Variants in PELP1 observed in about 807,000 individuals in gnomAD.
PELP1 encodes the protein proline, glutamate and leucine rich protein 1.
In PELP1, 32 loss-of-function variants were observed where a neutral mutation model predicts 95.5. The ratio of observed to expected loss-of-function variants is 0.34; its 90% confidence interval spans 0.25 to 0.45. The LOEUF (loss-of-function observed/expected upper bound fraction) is 0.45, where lower values mean the gene tolerates loss of function less well. Ranked by LOEUF, PELP1 falls within the 20% of genes least tolerant of loss-of-function variation. The pLI is 1.00. For synonymous variants in PELP1, 668 were observed against 600.1 expected, an observed-to-expected ratio of 1.11 and a Z score of -1.65; for missense variants, 1,358 against 1,444.8, an observed-to-expected ratio of 0.94 and a Z score of 0.97.
At position 4,671,967 on chromosome 17, in the gene PELP1, T is replaced by C; in HGVS notation, c.3024A>G (p.Glu1008=). The C allele has an allele frequency of 2.0e-6, 3 of 1,537,950 alleles. No individual in the cohort carries two copies. Among genetic ancestry groups the C allele is most frequent in the Non-Finnish European group, 2.6e-6 (3 of 1,147,394 alleles). ...EPEPEPGLLL[E]VEEPGTEEER... ...CCTCCTCCGTCCCTGGCTCCTCCAC[T>C]TCCAAAAGCAGCCCGGGTTCAGGTT... The change falls in exon 16 of 17, where the codon GAA becomes GAG. Residue 1008 remains glutamate (E), a synonymous_variant. Coordinates refer to ENST00000572293, the MANE Select transcript of PELP1 (RefSeq NM_014389.3).
chr17:4,703,707 G>T (rs2150569476), intron 1 of PELP1, among the ~76,000 whole-genome samples, 156 bp downstream of exon 1: 1 of 152,234 alleles, frequency 6.6e-6, no homozygotes, highest in South Asian at 2.1e-4. Flanking sequence ...GGAGAAATAC[G>T]TGCATCCCGT....
At chr17:4,685,188 G>A (rs1025142825) in intron 3 of PELP1, among the ~76,000 whole-genome samples, 1 of 151,978 alleles carries the variant, frequency 6.6e-6, no homozygotes, top group African/African-American at 2.4e-5. Flanking sequence ...TCTCACTATG[G>A]TCTTACCACC....
chr17:4,696,701 G>A (rs1481995372), intron 1 of PELP1: 1 of 152,184 alleles, frequency 6.6e-6, no homozygotes, highest in East Asian at 1.9e-4. Context: ...GACAAATGAT[G>A]ATGCAGCTTG....
chr17:4,695,199 G>A (rs112198266), intron 1 of PELP1, among the ~76,000 whole-genome samples: 19 of 151,724 alleles, frequency 1.3e-4, no homozygotes, highest in South Asian at 8.3e-4. Flanking sequence ...GCGGGCGCCC[G>A]TAATCCCAAC....
chr17:4,698,184 A>C (rs1380282710), intron 1 of PELP1, among the ~76,000 whole-genome samples: 1 of 151,968 alleles, frequency 6.6e-6, no homozygotes, highest in Non-Finnish European at 1.5e-5. Flanking sequence ...TCTTGCTGAA[A>C]ACGCACAAAT....
intron 3 of PELP1, among the ~76,000 whole-genome samples, chr17:4,689,999 C>T (rs1472085793): frequency 6.6e-6 from 1 of 152,016 alleles, no homozygotes; most frequent in African/African-American, 2.4e-5. Context: ...GCACTCCAGC[C>T]TGGGCGACAG....
intron 13 of PELP1, 119 bp downstream of exon 13, chr17:4,674,390 GT>G: frequency 1.1e-6 from 1 of 887,444 alleles, no homozygotes; most frequent in Non-Finnish European, 1.8e-6. Flanking sequence ...ACGAAGGCTG[GT>G]CTAGGCACTC....
In PELP1 at chr17:4,673,333, G is replaced by A; in HGVS notation, c.1762C>T (p.Leu588=). 1 of 1,592,922 alleles carries A rather than the reference G, an allele frequency of 6.3e-7. No homozygotes were observed. The highest frequency in any genetic ancestry group is 8.5e-7 in the Non-Finnish European group (1 of 1,169,942). ...ELYCLLLALL[L]APSPRCPPPL... is the part of the protein sequence containing the mutation. ...GGTGGGCAGCGAGGAGACGGGGCCA[G>A]CAGCAGCGCCAGCAGCAGGCAGTAG... Residue 588 remains leucine (L), a synonymous_variant, in exon 15 of 17, where the codon CTG becomes TTG. Coordinates refer to ENST00000572293, the MANE Select transcript of PELP1 (RefSeq NM_014389.3). The surrounding 1 kb of genome is among the most constrained non-coding windows in gnomAD (Gnocchi z 5.7).
chr17:4,682,546 T>C lies in PELP1; in HGVS notation c.598A>G (p.Lys200Glu), dbSNP rs1400824834. 1 of 1,613,386 alleles carries C rather than the reference T, an allele frequency of 6.2e-7. No homozygotes were observed. The highest frequency in any genetic ancestry group is 1.1e-5 in the South Asian group (1 of 91,068). Residue 200 changes from lysine (K) to glutamate (E), a missense_variant, in exon 5 of 17, where the codon AAG becomes GAG. Physicochemically the swap from Lys to Glu is moderately conservative, Grantham distance 56. Around this residue, in one of 7 missense-constraint regions of PELP1, gnomAD observed 538 missense variants for 628.1 expected, o/e 0.86. Transcript: ENST00000572293. Reference sequence around the variant, plus strand: ...CGAGGGAAATAGGTCATACAAGCCTTCATTCCTTCCAATGCTGACTGCTCA... The same window carrying C: ...CGAGGGAAATAGGTCATACAAGCCTCCATTCCTTCCAATGCTGACTGCTCA... ...ECEQSALEGMKACMTYFPRAC... is the reference protein window; with the variant it reads ...ECEQSALEGMEACMTYFPRAC...
intron 13 of PELP1, 132 bp downstream of exon 13, chr17:4,674,378 G>T: frequency 1.3e-6 from 1 of 771,984 alleles, no homozygotes; most frequent in Non-Finnish European, 2.1e-6. Context: ...TTATCGCAGT[G>T]GACGAAGGCT....
chr17:4,675,127 C>T lies in PELP1; in HGVS notation c.1226G>A (p.Trp409Ter). The change falls in exon 11 of 17, where the codon TGG becomes TAG. Residue 409 changes from tryptophan to a stop codon, truncating the protein, a stop_gained. Transcript: ENST00000572293. LOFTEE classifies it high-confidence loss of function. This position sits in a 1 kb window ranked among gnomAD's most constrained non-coding sequence, Gnocchi z 4.3. The stretch of plus-strand genomic sequence containing the variant: ...AGAGAGGGAATCTCTACCGATGCTC[C>T]AGGAATTGAGGACCTGGGGAAGCAG... The part of the protein sequence containing the change: ...GRLLPQVLNS[W>*]SIGRDSLSPG... 6.2e-7 allele frequency: 1 copy of T among 1,613,898 alleles called. No individual in the cohort carries two copies. Among genetic ancestry groups the T allele is most frequent in the Non-Finnish European group, 8.5e-7 (1 of 1,179,884 alleles).
chr17:4,691,141 GA>G (rs1913081093), intron 2 of PELP1, 148 bp from the exon 3 acceptor site: 2 of 672,450 alleles, frequency 3.0e-6, no homozygotes, highest in African/African-American at 3.6e-5. Context: ...GAATGAGGTG[GA>G]AGAAGCAAAG....
intron 1 of PELP1, among the ~76,000 whole-genome samples, chr17:4,694,831 C>T (rs972202351): frequency 1.3e-5 from 2 of 149,760 alleles, no homozygotes; most frequent in Non-Finnish European, 3.0e-5. Flanking sequence ...ATTAGCCAGG[C>T]GTGGTGGTGG....
In PELP1 at chr17:4,686,761, G is replaced by A. The variant is rs535314602; in HGVS notation, c.421-3809C>T. Among the ~76,000 whole-genome samples the A allele has an allele frequency of 1.4e-4, 22 of 152,002 alleles. No individual in the cohort carries two copies. In the East Asian group the frequency reaches 1.5e-3, roughly 11 times the overall value. ...TCGAACTCCCGACCTCAGGTGATCC[G>A]CCCACCTCGGCCTCCCAAACTGCTG... On this transcript the variant is annotated intron_variant, in intron 3 of 16. Transcript: ENST00000572293.
intron 3 of PELP1, among the ~76,000 whole-genome samples, chr17:4,686,356 T>A (rs1488226424): frequency 6.6e-6 from 1 of 152,118 alleles, no homozygotes; most frequent in Non-Finnish European, 1.5e-5. Flanking sequence ...ACTAAATCTG[T>A]CTCAAACCTG....
rs774947268 is a variant in PELP1, at chr17:4,675,591, C to T, written c.1068+206G>A. On this transcript the variant is annotated intron_variant, in intron 9 of 16. Transcript: ENST00000572293. The surrounding 1 kb of genome is among the most constrained non-coding windows in gnomAD (Gnocchi z 4.3). The stretch of plus-strand genomic sequence containing the variant: ...ATGACTCAGCTGATCCCCAAATTCA[C>T]CCTCCCCCAAGGAAGCATTTGCTAC... 2 of 708,476 alleles carry T rather than the reference C, an allele frequency of 2.8e-6. No individual in the cohort carries two copies. Among genetic ancestry groups the T allele is most frequent in the Admixed American group, 2.0e-5 (1 of 49,946 alleles). 43.9% of individuals were successfully genotyped at this position (708,476 alleles called of 1,614,324 possible).
chr17:4,697,269 T>C (rs1366913638), intron 1 of PELP1, among the ~76,000 whole-genome samples: 1 of 152,000 alleles, frequency 6.6e-6, no homozygotes, highest in African/African-American at 2.4e-5. Flanking sequence ...TCCCAGTACT[T>C]TAGGAGGCTA....
chr17:4,699,856 G>A (rs1178583157), intron 1 of PELP1, among the ~76,000 whole-genome samples: 2 of 148,034 alleles, frequency 1.4e-5, no homozygotes, highest in East Asian at 4.1e-4. Context: ...CAAAGTGCTG[G>A]GATTACAGAT....
At chr17:4,698,515 G>C (rs1217382198) in intron 1 of PELP1, among the ~76,000 whole-genome samples, 5 of 150,400 alleles carry the variant, frequency 3.3e-5, no homozygotes, top group Non-Finnish European at 5.9e-5. Context: ...GGTAGCAGGC[G>C]CTTGTAATCC....
Sources: allele counts gnomAD v4.1 joint callset (sites outside exome capture counted in the v4.1 genomes callset), GRCh38; gene constraint gnomAD v4.1.1; regional missense constraint gnomAD v4.1.1; non-coding constraint Gnocchi (gnomAD v3.1); transcripts MANE v1.5; gene names NCBI Gene and HGNC (gene_info 2026-07-23, HGNC 2026-07-21).